Variants in LRP12 observed in about 807,000 individuals in gnomAD.
LRP12 encodes the protein LDL receptor related protein 12.
LRP12 carries 14 observed loss-of-function variants against 66.0 expected under a neutral mutation model. That is an observed-to-expected ratio of 0.21 (90% CI 0.14 to 0.33). The LOEUF (loss-of-function observed/expected upper bound fraction) is 0.33. LRP12 is among the 10% of genes least tolerant of loss of function. The probability of loss-of-function intolerance (pLI) is 1.00; values close to 1 mark genes in which losing one functional copy is unlikely to be tolerated. For synonymous variants in LRP12, 357 were observed against 359.1 expected (o/e 0.99, Z 0.07); for missense variants, 889 against 1,053.4 (o/e 0.84, Z 2.16).
intron 1 of LRP12, among the ~76,000 whole-genome samples, chr8:104,559,931 AGTT>A (rs920781963): frequency 6.6e-6 from 1 of 152,192 alleles, no homozygotes; most frequent in African/African-American, 2.4e-5. Context: ...TAATTTACTT[AGTT>A]ATTAGAACAA....
intron 2 of LRP12, among the ~76,000 whole-genome samples, chr8:104,515,692 C>T (rs1385323693): frequency 6.6e-6 from 1 of 152,118 alleles, no homozygotes; most frequent in Non-Finnish European, 1.5e-5. Context: ...GAGCATGAAC[C>T]TATGCATATA....
At chr8:104,548,166 TATATA>T (rs1156285546) in intron 1 of LRP12, among the ~76,000 whole-genome samples, 5 of 52,100 alleles carry the variant, frequency 9.6e-5, no homozygotes, top group Non-Finnish European at 1.5e-4. Context: ...ATAATTATTA[TATATA>T]ATATAATATA....
intron 1 of LRP12, among the ~76,000 whole-genome samples, chr8:104,545,201 T>C (rs888564798): frequency 3.3e-5 from 5 of 152,212 alleles, no homozygotes; most frequent in Non-Finnish European, 7.3e-5. Context: ...ACTGAATTGC[T>C]ACAATCTCCA....
At chr8:104,513,936 C>T (rs1811035690) in intron 2 of LRP12, among the ~76,000 whole-genome samples, 1 of 152,136 alleles carries the variant, frequency 6.6e-6, no homozygotes, top group South Asian at 2.1e-4. Context: ...CATGATCAGA[C>T]CTGTGTGTTT....
intron 2 of LRP12, among the ~76,000 whole-genome samples, chr8:104,526,704 C>T (rs71520894): frequency 0.068 from 9,888 of 145,702 alleles, 384 homozygotes; most frequent in South Asian, 0.077. Flanking sequence ...AAGACTTAAA[C>T]GTTAGACCTA....
intron 1 of LRP12, among the ~76,000 whole-genome samples, chr8:104,587,203 T>G (rs565707489): frequency 1.3e-5 from 2 of 152,192 alleles, no homozygotes; most frequent in African/African-American, 4.8e-5. Flanking sequence ...CAATGCTTAT[T>G]ATAGTAGAGG....
chr8:104,588,904 A>AG lies in LRP12; in HGVS notation c.-8dup. 1 of 1,602,300 alleles carries AG rather than the reference A, an allele frequency of 6.2e-7. No individual in the cohort carries two copies. The highest frequency in any genetic ancestry group is 8.5e-7 in the Non-Finnish European group (1 of 1,174,096). On this transcript the variant is annotated 5_prime_UTR_variant, in exon 1 of 7. Transcript: ENST00000276654. ...TGCTCCAGCGACAGGCCATAACCAC[A>AG]GCAGATGGAGAGAGAGAGGAGGAGA...
chr8:104,497,269 G>A lies in LRP12; in HGVS notation c.1283C>T (p.Pro428Leu). 1.2e-6 allele frequency: 2 copies of A among 1,614,132 alleles called. No homozygotes were observed. The highest frequency in any genetic ancestry group is 1.7e-6 in the Non-Finnish European group (2 of 1,180,032). Residue 428 changes from proline (P) to leucine (L), a missense_variant, in exon 5 of 7, where the codon CCT becomes CTT. Transcript: ENST00000276654. The surrounding 1 kb of genome is among the most constrained non-coding windows in gnomAD (Gnocchi z 4.3). ...FPCSRNGVCY[P>L]RSDRCNYQNH... ...CTGGTAGTTGCAGCGATCAGAACGA[G>A]GATAACAGACACCATTTCGGGAACA...
At chr8:104,526,268 A>G (rs1365725879) in intron 2 of LRP12, among the ~76,000 whole-genome samples, 1 of 152,040 alleles carries the variant, frequency 6.6e-6, no homozygotes, top group Admixed American at 6.6e-5. Flanking sequence ...AAGGTAATTT[A>G]TAGATTCAAT....
chr8:104,515,161 A>G (rs1811057995), intron 2 of LRP12, among the ~76,000 whole-genome samples: 1 of 152,204 alleles, frequency 6.6e-6, no homozygotes, highest in South Asian at 2.1e-4. Context: ...CATGGTTTGA[A>G]CTTCATCTTT....
At chr8:104,500,010 A>C (rs1385089132) in intron 3 of LRP12, among the ~76,000 whole-genome samples, 1 of 152,222 alleles carries the variant, frequency 6.6e-6, no homozygotes, top group Non-Finnish European at 1.5e-5. Context: ...AAGGTAAAAG[A>C]CTGAAAAAGG....
At chr8:104,495,235 T>C (rs1360199925) in intron 5 of LRP12, 26 bp from the exon 6 acceptor site, 2 of 1,599,368 alleles carry the variant, frequency 1.3e-6, no homozygotes, top group African/African-American at 1.3e-5. Flanking sequence ...GAAAGAAAAA[T>C]GATTAAAAGG....
At chr8:104,574,315 G>A (rs1458906681) in intron 1 of LRP12, among the ~76,000 whole-genome samples, 1 of 152,008 alleles carries the variant, frequency 6.6e-6, no homozygotes, top group African/African-American at 2.4e-5. Context: ...AACATATATA[G>A]CTCCTATACA....
intron 4 of LRP12, 120 bp from the exon 5 acceptor site, chr8:104,498,196 GT>G: frequency 9.8e-7 from 1 of 1,023,942 alleles, no homozygotes; most frequent in Non-Finnish European, 1.4e-6. Context: ...AGTGCTAGAA[GT>G]TTTAAAAAAC....
At chr8:104,493,284 C>A (rs879396767) in intron 6 of LRP12, among the ~76,000 whole-genome samples, 3 of 152,168 alleles carry the variant, frequency 2.0e-5, no homozygotes, top group Non-Finnish European at 2.9e-5. Context: ...TTTCCAAAAT[C>A]TGCTATAAAA....
chr8:104,499,184 T>C, intron 4 of LRP12, 133 bp downstream of exon 4: 1 of 643,626 alleles, frequency 1.6e-6, no homozygotes, highest in Admixed American at 3.4e-5. Context: ...CTTTAGCTTC[T>C]AATCCTCAAT....
intron 2 of LRP12, among the ~76,000 whole-genome samples, chr8:104,517,065 A>G (rs1253515588): frequency 1.3e-5 from 2 of 151,840 alleles, no homozygotes; most frequent in African/African-American, 4.8e-5. Context: ...ACCTAACTTT[A>G]TAAGACACAT....
At chr8:104,534,904 C>G (rs933410211) in intron 1 of LRP12, among the ~76,000 whole-genome samples, 3 of 151,606 alleles carry the variant, frequency 2.0e-5, no homozygotes, top group African/African-American at 4.8e-5. Context: ...CCCTCCCAAA[C>G]CCCAAGAAAA....
chr8:104,548,669 A>ATTATATAATTATTATATAAT (rs1811679093), intron 1 of LRP12, among the ~76,000 whole-genome samples: 1 of 143,256 alleles, frequency 7.0e-6, no homozygotes, highest in Non-Finnish European at 1.5e-5. Flanking sequence ...TATATAATTA[A>ATTATATAATTATTATATAAT]TATGGGTGCA....
Sources: gnomAD v4.1 joint callset for allele counts (sites outside exome capture counted in the v4.1 genomes callset) on GRCh38, gnomAD v4.1.1 for gene constraint, Gnocchi (gnomAD v3.1) non-coding constraint, MANE v1.5 for transcripts, NCBI Gene and HGNC (gene_info 2026-07-23, HGNC 2026-07-21) for gene names.